ITSN2: variants seen among roughly 807,000 people sequenced by gnomAD.
The protein encoded by ITSN2 is intersectin 2.
In ITSN2, 156 loss-of-function variants were observed where a neutral mutation model predicts 243.7. The observed-to-expected ratio is 0.64, with a 90% confidence interval of 0.56 to 0.73. The LOEUF is 0.73. ITSN2 is among the 30% of genes least tolerant of loss of function. ITSN2 has a pLI of 0.00. For synonymous variants in ITSN2, 703 were observed against 699.9 expected, an observed-to-expected ratio of 1.00 and a Z score of -0.07; for missense variants, 1,801 against 1,996.1, an observed-to-expected ratio of 0.90 and a Z score of 1.86.
chr2:24,248,921 A>G, intron 25 of ITSN2, 39 bp from the exon 26 acceptor site: 1 of 1,580,608 alleles, frequency 6.3e-7, no homozygotes, highest in African/African-American at 1.3e-5. Flanking sequence ...ATTATTTCCA[A>G]CAATCCAAAT....
chr2:24,254,124 T>C (rs560646218), intron 24 of ITSN2, among the ~76,000 whole-genome samples: 145 of 152,326 alleles, frequency 9.5e-4, no homozygotes, highest in Non-Finnish European at 4.6e-4. Context: ...CAAACCAGTC[T>C]ATGCTGAATT....
intron 17 of ITSN2, among the ~76,000 whole-genome samples, chr2:24,281,537 A>T (rs1206611033): frequency 1.3e-5 from 2 of 152,226 alleles, no homozygotes; most frequent in Non-Finnish European, 2.9e-5. Flanking sequence ...TGTATGAACC[A>T]TGAACCTATT....
intron 17 of ITSN2, among the ~76,000 whole-genome samples, chr2:24,280,748 C>T (rs977028450): frequency 1.3e-5 from 2 of 152,118 alleles, no homozygotes; most frequent in African/African-American, 2.4e-5. Flanking sequence ...TCTCTCCTTC[C>T]TTTTTATTGT....
intron 1 of ITSN2, chr2:24,330,549 G>T: frequency 1.2e-6 from 1 of 806,362 alleles, no homozygotes. Context: ...AAAGAAGGGA[G>T]AGAAGGTACC....
intron 1 of ITSN2, among the ~76,000 whole-genome samples, chr2:24,337,335 T>TAC (rs1233360565): frequency 9.2e-6 from 1 of 108,966 alleles, no homozygotes; most frequent in Non-Finnish European, 1.9e-5. Flanking sequence ...TATATATATA[T>TAC]ATATATATAT....
chr2:24,212,642 A>G lies in ITSN2; in HGVS notation c.4089+8T>C. 6.3e-7 allele frequency: 1 copy of G among 1,599,710 alleles called. No homozygotes were observed. The highest frequency in any genetic ancestry group is 8.5e-7 in the Non-Finnish European group (1 of 1,172,192). Reference sequence around the variant, plus strand: ...ACTCAGACCCCACTGCCCGGCCTGCACACTCACACTTCTGATGAGCAGTGG... The same window carrying G: ...ACTCAGACCCCACTGCCCGGCCTGCGCACTCACACTTCTGATGAGCAGTGG... On this transcript the variant is annotated splice_region_variant and intron_variant, in intron 33 of 39. Transcript: ENST00000355123.
At chr2:24,327,850 C>A (rs1366089582) in intron 2 of ITSN2, among the ~76,000 whole-genome samples, 1 of 152,192 alleles carries the variant, frequency 6.6e-6, no homozygotes, top group Non-Finnish European at 1.5e-5. Context: ...ATGGCAAACA[C>A]ACGTTCCAGA....
At chr2:24,299,877 T>C (rs1681499928) in intron 12 of ITSN2, 32 bp downstream of exon 12, 1 of 1,525,870 alleles carries the variant, frequency 6.6e-7, no homozygotes, top group East Asian at 2.3e-5. Flanking sequence ...AATGTAATGA[T>C]TTTCTTAAGA....
At chr2:24,284,513 T>C (rs1420484083) in intron 17 of ITSN2, among the ~76,000 whole-genome samples, 1 of 152,208 alleles carries the variant, frequency 6.6e-6, no homozygotes, top group East Asian at 1.9e-4. Flanking sequence ...AACCAGGTTA[T>C]ATTTCTAAGT....
At chr2:24,347,459 G>A (rs892680052) in intron 1 of ITSN2, among the ~76,000 whole-genome samples, 1 of 152,220 alleles carries the variant, frequency 6.6e-6, no homozygotes, top group African/African-American at 2.4e-5. Context: ...GGCTGAAGCA[G>A]GTGGATCACC....
chr2:24,229,376 G>A (rs927982767), intron 29 of ITSN2, among the ~76,000 whole-genome samples: 1 of 152,080 alleles, frequency 6.6e-6, no homozygotes, highest in Non-Finnish European at 1.5e-5. Flanking sequence ...ATCACTTGAG[G>A]TCAGGAGTTC....
In ITSN2 at chr2:24,208,801, G is replaced by T. The variant is rs145327862; in HGVS notation, c.4595+299C>A. Among the ~76,000 whole-genome samples, 4 of 152,344 alleles carry T rather than the reference G, an allele frequency of 2.6e-5. No homozygotes were observed. In the East Asian group the frequency reaches 5.8e-4, roughly 22 times the overall value. ...AGGCCTCGGAAACCAGCAAAGCACA[G>T]TGGGCTGTCGCCTGCGGGCAGCCCC... is the stretch of plus-strand genomic sequence containing the variant. On this transcript the variant is annotated intron_variant, in intron 36 of 39. Coordinates refer to ENST00000355123, the MANE Select transcript of ITSN2 (RefSeq NM_006277.3).
At chr2:24,263,150 T>C (rs1172911011) in intron 20 of ITSN2, among the ~76,000 whole-genome samples, 4 of 152,210 alleles carry the variant, frequency 2.6e-5, no homozygotes, top group African/African-American at 9.7e-5. Context: ...ATGTAGCTAA[T>C]ACATAAGTAT....
In ITSN2 at chr2:24,315,544, T is replaced by G. The variant is rs148830774; in HGVS notation, c.32-320A>C. Among the ~76,000 whole-genome samples, 227 of 152,312 alleles carry G rather than the reference T, an allele frequency of 1.5e-3. 1 individual carries two copies. Among genetic ancestry groups the G allele is most frequent in the African/African-American group, 5.1e-3 (214 of 41,572 alleles). On this transcript the variant is annotated intron_variant, in intron 2 of 39. Coordinates refer to ENST00000355123, the MANE Select transcript of ITSN2 (RefSeq NM_006277.3). The stretch of plus-strand genomic sequence containing the variant: ...CTCTAGAAAACAACAGTACTTACAG[T>G]ATTCACCTGTGAAAAATCCTAAGCA...
At chr2:24,264,984 T>C (rs1676489777) in intron 20 of ITSN2, among the ~76,000 whole-genome samples, 1 of 151,786 alleles carries the variant, frequency 6.6e-6, no homozygotes, top group Admixed American at 6.6e-5. Context: ...AGAGATGAGG[T>C]CTTGCTTTGC....
chr2:24,296,972 T>G (rs1202358448), intron 13 of ITSN2, among the ~76,000 whole-genome samples: 1 of 152,180 alleles, frequency 6.6e-6, no homozygotes, highest in Non-Finnish European at 1.5e-5. Flanking sequence ...GCTTCATGTG[T>G]TGCACCAGTT....
At chr2:24,265,751 T>C (rs1676582368) in intron 20 of ITSN2, among the ~76,000 whole-genome samples, 2 of 152,348 alleles carry the variant, frequency 1.3e-5, no homozygotes, top group South Asian at 4.1e-4. Flanking sequence ...CTCTTACCAT[T>C]TGTTCGATAT....
chr2:24,205,423 G>C, intron 37 of ITSN2, 126 bp from the exon 38 acceptor site: 1 of 735,066 alleles, frequency 1.4e-6, no homozygotes, highest in East Asian at 2.8e-5. Flanking sequence ...CAACAGCCCA[G>C]CATCTGGCTG....
intron 17 of ITSN2, among the ~76,000 whole-genome samples, chr2:24,277,681 A>T (rs559515939): frequency 6.6e-6 from 1 of 152,330 alleles, no homozygotes; most frequent in Non-Finnish European, 1.5e-5. Context: ...TAACCTTAGG[A>T]AAGTTATTTT....
Sources: allele counts gnomAD v4.1 joint callset (sites outside exome capture counted in the v4.1 genomes callset), GRCh38; gene constraint gnomAD v4.1.1; transcripts MANE v1.5; gene names NCBI Gene and HGNC (gene_info 2026-07-23, HGNC 2026-07-21).